CASR: variants seen among roughly 807,000 people sequenced by gnomAD.
The protein encoded by CASR is calcium sensing receptor, also known as extracellular calcium-sensing receptor.
Under a neutral mutation model 69.1 loss-of-function variants are expected in CASR, and 23 were observed. That is an observed-to-expected ratio of 0.33 (90% CI 0.24 to 0.47). The LOEUF (loss-of-function observed/expected upper bound fraction) is 0.47. Among genes scored for constraint, CASR ranks in the 20% least tolerant of loss-of-function variants. The pLI is 1.00. For missense variants in CASR, 924 were observed against 1,356.1 expected (o/e 0.68, Z 5.00); for synonymous variants, 541 against 544.7 (o/e 0.99, Z 0.10).
chr3:122,204,644 C>A (rs1488545233), intron 1 of CASR, among the ~76,000 whole-genome samples: 1 of 152,054 alleles, frequency 6.6e-6, no homozygotes, highest in Non-Finnish European at 1.5e-5. Context: ...TTTTGAGGAA[C>A]CTCCAAGCTA....
chr3:122,219,488 A>G (rs1046741931), intron 1 of CASR, among the ~76,000 whole-genome samples: 1 of 152,194 alleles, frequency 6.6e-6, no homozygotes, highest in Non-Finnish European at 1.5e-5. Context: ...AGTAGCTGGG[A>G]TCAGGGCCAG....
intron 1 of CASR, among the ~76,000 whole-genome samples, chr3:122,193,910 C>T (rs2073862890): frequency 6.6e-6 from 1 of 152,038 alleles, no homozygotes; most frequent in South Asian, 2.1e-4. Context: ...TATACTTTAT[C>T]CTTTTTATCC....
intron 1 of CASR, among the ~76,000 whole-genome samples, chr3:122,189,707 T>C (rs771935775): frequency 7.2e-5 from 11 of 152,210 alleles, no homozygotes; most frequent in Non-Finnish European, 1.6e-4. Flanking sequence ...ATATTTTCTG[T>C]TGGTAGAGTT....
intron 1 of CASR, among the ~76,000 whole-genome samples, chr3:122,224,703 A>G (rs2074205690): frequency 6.6e-6 from 1 of 152,180 alleles, no homozygotes; most frequent in African/African-American, 2.4e-5. Context: ...TCTAAAATTC[A>G]CGTAGAACCA....
chr3:122,232,958 C>T (rs1007792088), intron 1 of CASR, among the ~76,000 whole-genome samples: 1 of 152,126 alleles, frequency 6.6e-6, no homozygotes, highest in African/African-American at 2.4e-5. Context: ...TAAGACCACT[C>T]CACAATCATG....
At chr3:122,257,688 T>A (rs3749205) in intron 3 of CASR, 1 of 276,576 alleles carries the variant, frequency 3.6e-6, no homozygotes, top group East Asian at 7.1e-5. Context: ...TTAGTAAATT[T>A]TTTTTCCTTC....
intron 1 of CASR, among the ~76,000 whole-genome samples, chr3:122,212,752 C>T (rs377761220): frequency 5.3e-5 from 8 of 152,010 alleles, no homozygotes; most frequent in African/African-American, 1.9e-4. Context: ...AGCAATTCTC[C>T]TGCCTCAGCT....
chr3:122,241,722 C>CA (rs113193461), intron 1 of CASR, among the ~76,000 whole-genome samples: 12 of 151,278 alleles, frequency 7.9e-5, no homozygotes, highest in Non-Finnish European at 1.2e-4. Context: ...GACACACACA[C>CA]AAAAAAAAGA....
chr3:122,249,174 C>A (rs2074457473), intron 1 of CASR, among the ~76,000 whole-genome samples: 1 of 152,230 alleles, frequency 6.6e-6, no homozygotes, highest in South Asian at 2.1e-4. Flanking sequence ...TGCTAGGCAA[C>A]AATGGTGAAG....
intron 4 of CASR, among the ~76,000 whole-genome samples, chr3:122,267,892 CA>C (rs1189345612): frequency 2.0e-5 from 3 of 152,222 alleles, no homozygotes; most frequent in Non-Finnish European, 4.4e-5. Context: ...CATGTTGCCA[CA>C]AGCATTACAC....
rs544153637 is a variant in CASR, at chr3:122,224,764, G to T, written c.-242-29184G>T. On this transcript the variant is annotated intron_variant, in intron 1 of 6. Coordinates refer to ENST00000639785, the MANE Select transcript of CASR (RefSeq NM_000388.4). ...ATCCTAAGCAAAAAGAACAAAGCTG[G>T]AGGCATCACACTCCCTGACTTCAAA... Among the ~76,000 whole-genome samples the T allele has an allele frequency of 2.0e-4, 31 of 152,244 alleles. No homozygotes were observed. In the South Asian group the frequency reaches 6.4e-3, roughly 32 times the overall value.
At chr3:122,236,197 G>C (rs897479305) in intron 1 of CASR, among the ~76,000 whole-genome samples, 1 of 152,214 alleles carries the variant, frequency 6.6e-6, no homozygotes, top group Admixed American at 6.5e-5. Flanking sequence ...GGCTGACCCA[G>C]CATCAAAGTC....
chr3:122,242,344 C>G (rs2074386239), intron 1 of CASR, among the ~76,000 whole-genome samples: 3 of 152,002 alleles, frequency 2.0e-5, no homozygotes, highest in African/African-American at 7.2e-5. Flanking sequence ...TTGCAGGATA[C>G]AAAATCAACA....
chr3:122,282,090 C>T (rs762199941), intron 5 of CASR, 23 bp from the exon 6 acceptor site: 3 of 1,614,190 alleles, frequency 1.9e-6, no homozygotes, highest in Non-Finnish European at 2.5e-6. Context: ...CAGCCACTCA[C>T]CTTTGTGCTG....
intron 1 of CASR, among the ~76,000 whole-genome samples, chr3:122,221,341 T>G (rs1344137536): frequency 6.6e-6 from 1 of 152,174 alleles, no homozygotes; most frequent in Non-Finnish European, 1.5e-5. Context: ...ATCTTAGTGC[T>G]AAAGTCTCTC....
At chr3:122,218,194 G>T (rs931187354) in intron 1 of CASR, among the ~76,000 whole-genome samples, 1 of 152,064 alleles carries the variant, frequency 6.6e-6, no homozygotes, top group East Asian at 1.9e-4. Flanking sequence ...TGGGAGAGTT[G>T]ATGGTAGCTT....
At position 122,203,330 on chromosome 3, in the gene CASR, C is replaced by T. The variant is rs561571264; in HGVS notation, c.-243+19518C>T. Among the ~76,000 whole-genome samples, 34 of 152,208 alleles carry T rather than the reference C, an allele frequency of 2.2e-4. No individual in the cohort carries two copies. The South Asian group carries it at 6.8e-3, about 31-fold the overall frequency. On this transcript the variant is annotated intron_variant, in intron 1 of 6. Transcript: ENST00000639785. ...CAATGGGGATATGTTCTGAAAAATG[C>T]GTTGTTAGGTGATTTCATTATTGTT...
chr3:122,247,300 A>G (rs552198560), intron 1 of CASR: 1 of 152,244 alleles, frequency 6.6e-6, no homozygotes, highest in South Asian at 2.1e-4. Context: ...TTACCCCAGA[A>G]CACTTCCTGG....
At chr3:122,260,094 G>A (rs74933158) in intron 3 of CASR, among the ~76,000 whole-genome samples, 1 of 152,142 alleles carries the variant, frequency 6.6e-6, no homozygotes, top group Non-Finnish European at 1.5e-5. Flanking sequence ...TAAGTGGTGA[G>A]CCATGATGAC....
Sources: allele counts gnomAD v4.1 joint callset (sites outside exome capture counted in the v4.1 genomes callset), GRCh38; gene constraint gnomAD v4.1.1; transcripts MANE v1.5; gene names NCBI Gene and HGNC (gene_info 2026-07-23, HGNC 2026-07-21).